CEP85L: variants seen among roughly 807,000 people sequenced by gnomAD.
CEP85L encodes centrosomal protein of 85 kDa-like.
A neutral mutation model predicts 100.3 loss-of-function variants in CEP85L; 60 were observed. The ratio of observed to expected loss-of-function variants is 0.60; its 90% CI spans 0.49 to 0.74. The LOEUF (loss-of-function observed/expected upper bound fraction) is 0.74. Among genes scored for constraint, CEP85L ranks in the 30% least tolerant of loss-of-function variants. The pLI is 0.00. For synonymous variants in CEP85L, 319 were observed against 322.7 expected (o/e 0.99, Z 0.12); for missense variants, 973 against 936.2 (o/e 1.04, Z -0.51).
At chr6:118,662,234 G>T (rs1429584931) in intron 1 of CEP85L, among the ~76,000 whole-genome samples, 1 of 152,066 alleles carries the variant, frequency 6.6e-6, no homozygotes, top group East Asian at 1.9e-4. Context: ...ACATGATAAA[G>T]AATAGTATGA....
chr6:118,523,947 T>C (rs1776809182), intron 3 of CEP85L, 27 bp from the exon 4 acceptor site: 2 of 931,236 alleles, frequency 2.1e-6, no homozygotes, highest in African/African-American at 1.7e-5. Flanking sequence ...ACACAATTAG[T>C]ATACTAAAAT....
At position 118,648,592 on chromosome 6, in the gene CEP85L, AT is replaced by A. The variant is rs552121446; in HGVS notation, c.73+2604del. ...CCGTCTCTACTAAAAATACAAAAAA[AT>A]AACCCGGGTGTGGTGGCGGGAGCCT... On this transcript the variant is annotated intron_variant, in intron 1 of 12. Transcript: ENST00000368491. 3.7e-3 allele frequency among the ~76,000 whole-genome samples: 560 copies of A among 152,182 alleles called. 3 individuals carry two copies. Among genetic ancestry groups the A allele is most frequent in the African/African-American group, 0.013 (534 of 41,526 alleles).
intron 2 of CEP85L, chr6:118,589,417 A>G (rs1781051121): frequency 7.7e-6 from 2 of 260,592 alleles, no homozygotes; most frequent in Non-Finnish European, 8.3e-6. Context: ...CCAAGAAGCC[A>G]GCAGAGGAAG....
chr6:118,483,571 CAA>C (rs2114546358), intron 7 of CEP85L, 133 bp downstream of exon 7: 1 of 725,796 alleles, frequency 1.4e-6, no homozygotes, highest in East Asian at 2.6e-5. Context: ...CTTAGATAAA[CAA>C]AGTTTCTTAT....
chr6:118,614,544 T>A (rs1328606327), intron 2 of CEP85L, among the ~76,000 whole-genome samples: 1 of 152,062 alleles, frequency 6.6e-6, no homozygotes, highest in African/African-American at 2.4e-5. Flanking sequence ...ACAAGATAAA[T>A]ATACAAAAAG....
Position 118,651,485 on chromosome 6 carries a change from G to T in CEP85L, c.-216C>A. On this transcript the variant is annotated 5_prime_UTR_variant, in exon 1 of 13. Coordinates refer to ENST00000368491, the MANE Select transcript of CEP85L (RefSeq NM_001042475.3). ...CGCCTGCCATGGCCAAGCCGGCTGG[G>T]CTGAGGCCCGCGCCGGGGAAGCGGC... 7.8e-7 allele frequency: 1 copy of T among 1,289,088 alleles called. No homozygotes were observed. The highest frequency in any genetic ancestry group is 9.8e-7 in the Non-Finnish European group (1 of 1,020,186). 79.9% of individuals were successfully genotyped at this position (1,289,088 alleles called of 1,614,324 possible).
At chr6:118,640,713 A>C (rs1162011914) in intron 1 of CEP85L, among the ~76,000 whole-genome samples, 1 of 152,020 alleles carries the variant, frequency 6.6e-6, no homozygotes, top group Non-Finnish European at 1.5e-5. Context: ...TTTTTTAAGT[A>C]GAGATGGGGT....
intron 3 of CEP85L, among the ~76,000 whole-genome samples, chr6:118,552,737 T>G (rs922498717): frequency 2.6e-5 from 4 of 151,918 alleles, no homozygotes; most frequent in Admixed American, 6.6e-5. Flanking sequence ...CCACAAAGAA[T>G]AGTAAAGAAT....
chr6:118,671,251 CTT>C (rs1364114651), intron 1 of CEP85L, among the ~76,000 whole-genome samples: 1 of 152,190 alleles, frequency 6.6e-6, no homozygotes, highest in Non-Finnish European at 1.5e-5. Flanking sequence ...ATGTAAGTGA[CTT>C]TGCAGCATAC....
chr6:118,680,814 T>C (rs1407963753), intron 1 of CEP85L, among the ~76,000 whole-genome samples: 5 of 151,826 alleles, frequency 3.3e-5, no homozygotes, highest in African/African-American at 1.2e-4. Context: ...AGGTCGAGGC[T>C]GCAGTGAGCC....
intron 5 of CEP85L, among the ~76,000 whole-genome samples, chr6:118,494,658 G>C (rs1011618517): frequency 6.6e-6 from 1 of 152,136 alleles, no homozygotes; most frequent in Non-Finnish European, 1.5e-5. Flanking sequence ...CCAAAAGACT[G>C]AGACCTAAAC....
chr6:118,546,151 CAT>C (rs1778189188), intron 3 of CEP85L, among the ~76,000 whole-genome samples: 1 of 152,088 alleles, frequency 6.6e-6, no homozygotes, highest in African/African-American at 2.4e-5. Context: ...TAGAGTTCCA[CAT>C]GAGATCATCA....
chr6:118,685,886 T>C (rs923692455), intron 1 of CEP85L, among the ~76,000 whole-genome samples: 14 of 152,182 alleles, frequency 9.2e-5, no homozygotes, highest in African/African-American at 3.4e-4. Context: ...GACGAAAAAG[T>C]GCACGGGTTA....
intron 3 of CEP85L, among the ~76,000 whole-genome samples, chr6:118,525,202 C>G (rs981761426): frequency 3.9e-5 from 6 of 152,052 alleles, no homozygotes; most frequent in African/African-American, 1.5e-4. Flanking sequence ...TGAAATATAT[C>G]ACTTAGAAAA....
intron 2 of CEP85L, among the ~76,000 whole-genome samples, chr6:118,599,524 C>T (rs536184726): frequency 2.0e-5 from 3 of 152,090 alleles, no homozygotes; most frequent in Non-Finnish European, 4.4e-5. Context: ...GTATTTAGTC[C>T]TCCAGGATGT....
At chr6:118,529,608 C>CAAAAAA (rs55732442) in intron 3 of CEP85L, among the ~76,000 whole-genome samples, 1 of 92,490 alleles carries the variant, frequency 1.1e-5, no homozygotes, top group African/African-American at 4.3e-5. Flanking sequence ...ACTCTGTCTC[C>CAAAAAA]AAAAAAAAAA....
At chr6:118,514,502 G>A (rs566140556) in intron 4 of CEP85L, among the ~76,000 whole-genome samples, 2 of 135,500 alleles carry the variant, frequency 1.5e-5, no homozygotes, top group East Asian at 4.2e-4. Context: ...TTCAGCCTGG[G>A]AGACAGAGCA....
At position 118,642,595 on chromosome 6, in the gene CEP85L, T is replaced by C. The variant is rs76210485; in HGVS notation, c.73+8602A>G. Among the ~76,000 whole-genome samples the C allele has an allele frequency of 5.0e-3, 763 of 152,238 alleles. 4 individuals are homozygous for C. Among genetic ancestry groups the C allele is most frequent in the African/African-American group, 0.017 (723 of 41,530 alleles). ...CACACTAGTTAAAAAATACCTACATTAAAATCTAGCTCAATCTAAGCTAAT... is the reference window on the plus strand; with the variant it reads ...CACACTAGTTAAAAAATACCTACATCAAAATCTAGCTCAATCTAAGCTAAT... On this transcript the variant is annotated intron_variant, in intron 1 of 12. Coordinates refer to ENST00000368491, the MANE Select transcript of CEP85L (RefSeq NM_001042475.3).
intron 1 of CEP85L, 51 bp from the exon 2 acceptor site, chr6:118,632,662 G>T: frequency 1.3e-6 from 2 of 1,490,460 alleles, no homozygotes; most frequent in Non-Finnish European, 1.8e-6. Flanking sequence ...GTAGGCAGAA[G>T]ATTTTTTTTT....
Sources: allele counts gnomAD v4.1 joint callset (sites outside exome capture counted in the v4.1 genomes callset), GRCh38; gene constraint gnomAD v4.1.1; transcripts MANE v1.5; gene names NCBI Gene and HGNC (gene_info 2026-07-23, HGNC 2026-07-21).